Variants in SLAIN1 observed in about 807,000 individuals in gnomAD.
The protein encoded by SLAIN1 is SLAIN family member 1, also known as SLAIN motif-containing protein 1.
In SLAIN1, 17 loss-of-function variants were observed where a neutral mutation model predicts 55.4. That is an observed-to-expected ratio of 0.31 (90% CI 0.21 to 0.46). The LOEUF is 0.46. SLAIN1 is among the 20% of genes least tolerant of loss of function. The probability of loss-of-function intolerance (pLI) is 1.00; values close to 1 mark genes in which losing one functional copy is unlikely to be tolerated. For synonymous variants in SLAIN1, 348 were observed against 337.4 expected, an observed-to-expected ratio of 1.03 and a Z score of -0.35; for missense variants, 682 against 785.1, an observed-to-expected ratio of 0.87 and a Z score of 1.57.
In SLAIN1 at chr13:77,719,636, C is replaced by A. The variant is rs1157183154; in HGVS notation, c.731C>A (p.Ala244Glu). The A allele has an allele frequency of 6.8e-6, 11 of 1,613,432 alleles. No individual in the cohort carries two copies. The highest frequency in any genetic ancestry group is 8.5e-6 in the Non-Finnish European group (10 of 1,179,624). The stretch of plus-strand genomic sequence containing the variant: ...GATAACCCAACTCCTGAGATGGAAG[C>A]AGCGAGACGTTCCCTGTGCTTTAGA... ...VLDNPTPEMEAARRSLCFRLE... is the reference protein window; with the variant it reads ...VLDNPTPEMEEARRSLCFRLE... The change falls in exon 2 of 7, where the codon GCA (alanine) becomes GAA (glutamate). Residue 244 changes from alanine to glutamate, a missense_variant. Physicochemically the swap from Ala to Glu is moderately radical, Grantham distance 107. This residue lies in a region of SLAIN1 where 401 missense variants were observed against 417.3 expected (regional missense o/e 0.96). Coordinates refer to ENST00000418532, the MANE Select transcript of SLAIN1 (RefSeq NM_001242868.2).
intron 6 of SLAIN1, among the ~76,000 whole-genome samples, chr13:77,762,825 T>C (rs534244442): frequency 2.6e-5 from 4 of 152,354 alleles, no homozygotes; most frequent in African/African-American, 9.6e-5. Context: ...TGTTTTTAGG[T>C]CATTTTTCTA....
intron 2 of SLAIN1, among the ~76,000 whole-genome samples, chr13:77,723,259 C>T (rs914293501): frequency 2.6e-5 from 4 of 152,154 alleles, no homozygotes; most frequent in African/African-American, 9.7e-5. Context: ...CTACTTGGAA[C>T]TAGTCATCTT....
Position 77,697,813 on chromosome 13 carries a change from A to T in SLAIN1, c.-101A>T. 1 of 1,155,452 alleles carries T rather than the reference A, an allele frequency of 8.7e-7. No homozygotes were observed. Among genetic ancestry groups the T allele is most frequent in the Non-Finnish European group, 1.1e-6 (1 of 935,206 alleles). The allele number at this position is 1,155,452 out of a possible 1,614,324, so 71.6% of individuals were successfully genotyped here. A position where few individuals can be genotyped will look rare whatever the true frequency, so the allele number is the denominator to read the frequency against. ...TCAGCCCGCGCGTGGTCGGCCCCCC[A>T]GGCCGGGGCGACAGGGAAGGAGCCG... On this transcript the variant is annotated 5_prime_UTR_variant, in exon 1 of 7. Transcript: ENST00000418532.
chr13:77,719,326 T>A (rs1402128601), intron 1 of SLAIN1, among the ~76,000 whole-genome samples: 1 of 151,940 alleles, frequency 6.6e-6, no homozygotes, highest in Non-Finnish European at 1.5e-5. Context: ...TTGTTAGACC[T>A]TTTTTTGGAA....
At chr13:77,725,667 A>G (rs1287419080) in intron 2 of SLAIN1, among the ~76,000 whole-genome samples, 2 of 152,202 alleles carry the variant, frequency 1.3e-5, no homozygotes, top group Non-Finnish European at 2.9e-5. Flanking sequence ...GGAGAGGGGC[A>G]TAGCTGTGAG....
At chr13:77,738,765 C>A (rs1873263472) in intron 2 of SLAIN1, among the ~76,000 whole-genome samples, 1 of 152,036 alleles carries the variant, frequency 6.6e-6, no homozygotes, top group South Asian at 2.1e-4. Context: ...GAGTGAGGGT[C>A]CTGACCTCCA....
At chr13:77,699,005 C>T (rs984678883) in intron 1 of SLAIN1, 14 of 1,535,136 alleles carry the variant, frequency 9.1e-6, no homozygotes, top group African/African-American at 1.4e-5. Flanking sequence ...CGTGCTCTTC[C>T]TCCTCGGGTG....
intron 2 of SLAIN1, among the ~76,000 whole-genome samples, chr13:77,734,502 C>T (rs553263000): frequency 6.6e-5 from 10 of 152,128 alleles, no homozygotes; most frequent in African/African-American, 2.2e-4. Flanking sequence ...GTTGACCTAT[C>T]CTGACCAAGC....
intron 2 of SLAIN1, among the ~76,000 whole-genome samples, chr13:77,726,995 A>G (rs1353549362): frequency 1.3e-5 from 2 of 152,232 alleles, no homozygotes; most frequent in Admixed American, 1.3e-4. Context: ...TAATTTACAG[A>G]AAGTAATGTT....
chr13:77,752,017 T>C (rs1874250599), intron 4 of SLAIN1, among the ~76,000 whole-genome samples: 1 of 152,112 alleles, frequency 6.6e-6, no homozygotes, highest in Non-Finnish European at 1.5e-5. Flanking sequence ...CATCTCAACA[T>C]TGAGATCTGT....
intron 2 of SLAIN1, among the ~76,000 whole-genome samples, chr13:77,721,343 T>A (rs1187044219): frequency 2.0e-5 from 3 of 152,184 alleles, no homozygotes; most frequent in African/African-American, 4.8e-5. Context: ...CAATTAAGCC[T>A]CCTTTCTTTA....
chr13:77,716,359 A>G (rs532271648), intron 1 of SLAIN1, among the ~76,000 whole-genome samples: 11 of 147,898 alleles, frequency 7.4e-5, no homozygotes, highest in African/African-American at 2.7e-4. Flanking sequence ...TTGTTTGGCT[A>G]TTCTAAGATC....
At position 77,746,548 on chromosome 13, in the gene SLAIN1, T is replaced by C; in HGVS notation, c.951T>C (p.Ser317=). 6.2e-7 allele frequency: 1 copy of C among 1,609,674 alleles called. No homozygotes were observed. Among genetic ancestry groups the C allele is most frequent in the Non-Finnish European group, 8.5e-7 (1 of 1,176,514 alleles). ...LRQDYASTSA[S]VSRHSSSVSL... ...AAGATTATGCTTCTACTTCAGCATC[T>C]GTATCAAGACATAGTTCCAGTGTGT... Residue 317 remains serine, a synonymous_variant, in exon 4 of 7, where the codon TCT becomes TCC. Transcript: ENST00000418532.
chr13:77,763,364 G>A lies in SLAIN1; in HGVS notation c.*144G>A, dbSNP rs988053701. On this transcript the variant is annotated 3_prime_UTR_variant, in exon 7 of 7. Coordinates refer to ENST00000418532, the MANE Select transcript of SLAIN1 (RefSeq NM_001242868.2). ...TACTGCATTGTTTCTCAATGGACCAGTCACCAGAGACTAATTATTGCACTT... is the reference window on the plus strand; with the variant it reads ...TACTGCATTGTTTCTCAATGGACCAATCACCAGAGACTAATTATTGCACTT... 9.5e-6 allele frequency: 6 copies of A among 630,576 alleles called. No homozygotes were observed. The highest frequency in any genetic ancestry group is 1.7e-5 in the Non-Finnish European group (6 of 360,420). 39.1% of individuals were successfully genotyped at this position (630,576 alleles called of 1,614,324 possible).
intron 2 of SLAIN1, among the ~76,000 whole-genome samples, chr13:77,728,949 A>G (rs1872224981): frequency 6.6e-6 from 1 of 152,208 alleles, no homozygotes; most frequent in African/African-American, 2.4e-5. Flanking sequence ...CACTGGAAAA[A>G]CAATCTGGAA....
Position 77,697,921 on chromosome 13 carries a change from C to A in SLAIN1, c.8C>A (p.Ala3Glu). MM[A>E]EQVKCASAGV... ...GCGCCCTCGGGGCCCACGATGATGG[C>A]GGAGCAGGTGAAATGCGCCTCGGCA... The change falls in exon 1 of 7, where the codon GCG becomes GAG. Residue 3 changes from alanine to glutamate, a missense_variant. Ala to Glu is a moderately radical substitution (Grantham distance 107, BLOSUM62 -1). Coordinates refer to ENST00000418532, the MANE Select transcript of SLAIN1 (RefSeq NM_001242868.2). 1 of 1,406,850 alleles carries A rather than the reference C, an allele frequency of 7.1e-7. No individual in the cohort carries two copies. The highest frequency in any genetic ancestry group is 9.3e-7 in the Non-Finnish European group (1 of 1,070,580). 87.1% of individuals were successfully genotyped at this position (1,406,850 alleles called of 1,614,324 possible).
rs964642456 is a variant in SLAIN1, at chr13:77,698,831, C to G, written c.626+292C>G. 1 of 1,467,028 alleles carries G rather than the reference C, an allele frequency of 6.8e-7. No homozygotes were observed. Among genetic ancestry groups the G allele is most frequent in the African/African-American group, 1.4e-5 (1 of 71,472 alleles). 90.9% of individuals were successfully genotyped at this position (1,467,028 alleles called of 1,614,324 possible). On this transcript the variant is annotated intron_variant, in intron 1 of 6. Transcript: ENST00000418532. The surrounding 1 kb of genome is among the most constrained non-coding windows in gnomAD (Gnocchi z 4.1). The stretch of plus-strand genomic sequence containing the variant: ...TATTTGCTGATTGTTGGGTCCCAAG[C>G]TCCTCGTTAGCATTAAGTGCAAAAT...
intron 2 of SLAIN1, among the ~76,000 whole-genome samples, chr13:77,728,824 A>G (rs960958676): frequency 6.6e-5 from 10 of 152,116 alleles, no homozygotes; most frequent in African/African-American, 2.4e-4. Flanking sequence ...CCAAGATGTT[A>G]TCTCCACTAG....
chr13:77,751,234 GA>G (rs899448096), intron 4 of SLAIN1, among the ~76,000 whole-genome samples: 5 of 152,038 alleles, frequency 3.3e-5, no homozygotes, highest in African/African-American at 2.4e-5. Flanking sequence ...TTGGAGGGGT[GA>G]AAAAAATTTT....
Sources: allele counts gnomAD v4.1 joint callset (sites outside exome capture counted in the v4.1 genomes callset), GRCh38; gene constraint gnomAD v4.1.1; regional missense constraint gnomAD v4.1.1; non-coding constraint Gnocchi (gnomAD v3.1); transcripts MANE v1.5; gene names NCBI Gene and HGNC (gene_info 2026-07-23, HGNC 2026-07-21).